LRRC8D: variants seen among roughly 807,000 people sequenced by gnomAD.
The protein encoded by LRRC8D is volume-regulated anion channel subunit LRRC8D.
Under a neutral mutation model 55.8 loss-of-function variants are expected in LRRC8D, and 20 were observed. The ratio of observed to expected loss-of-function variants is 0.36; its 90% confidence interval spans 0.25 to 0.52. The LOEUF (loss-of-function observed/expected upper bound fraction) is 0.52. Among genes scored for constraint, LRRC8D ranks in the 20% least tolerant of loss-of-function variants. The pLI is 0.93. For synonymous variants in LRRC8D, 352 were observed against 377.0 expected, an observed-to-expected ratio of 0.93 and a Z score of 0.77; for missense variants, 651 against 1,030.8, an observed-to-expected ratio of 0.63 and a Z score of 5.05.
intron 2 of LRRC8D, among the ~76,000 whole-genome samples, chr1:89,853,810 G>A (rs1211181634): frequency 1.3e-5 from 2 of 152,134 alleles, no homozygotes; most frequent in African/African-American, 4.8e-5. Context: ...CACCAGTGAG[G>A]AATGAGGAGG....
chr1:89,923,899 C>G (rs1663487316), intron 2 of LRRC8D, among the ~76,000 whole-genome samples: 1 of 152,202 alleles, frequency 6.6e-6, no homozygotes, highest in Admixed American at 6.5e-5. Flanking sequence ...AAACTGGACC[C>G]CGTCCTTTCA....
At position 89,935,447 on chromosome 1, in the gene LRRC8D, A is replaced by G. The variant is rs1221004462; in HGVS notation, c.2379A>G (p.Lys793=). The G allele has an allele frequency of 3.1e-6, 5 of 1,614,224 alleles. No individual in the cohort carries two copies. The highest frequency in any genetic ancestry group is 1.1e-5 in the South Asian group (1 of 91,090). The stretch of plus-strand genomic sequence containing the variant: ...ACTGCATCACCTCACTCCCAGAGAA[A>G]GTTGGTCAGCTCTCCCAGCTCACTC... ...GQNCITSLPE[K]VGQLSQLTQL... The change falls in exon 3 of 3, where the codon AAA becomes AAG. Residue 793 remains lysine, a synonymous_variant. Coordinates refer to ENST00000337338, the MANE Select transcript of LRRC8D (RefSeq NM_001134479.2).
In LRRC8D at chr1:89,933,155, T is replaced by C; in HGVS notation, c.87T>C (p.Asp29=). The change falls in exon 3 of 3, where the codon GAT becomes GAC. Residue 29 remains aspartate (D), a synonymous_variant. Coordinates refer to ENST00000337338, the MANE Select transcript of LRRC8D (RefSeq NM_001134479.2). This position sits in a 1 kb window ranked among gnomAD's most constrained non-coding sequence, Gnocchi z 7.0. ...AACCATGGTGGGATGTGTTTATGGA[T>C]TACCTAGCTGTTGTTATGTTAATGG... The part of the protein sequence containing the change: ...ILKPWWDVFM[D]YLAVVMLMVA... The C allele has an allele frequency of 6.2e-7, 1 of 1,614,212 alleles. No individual in the cohort carries two copies. The highest frequency in any genetic ancestry group is 1.1e-5 in the South Asian group (1 of 91,078).
At chr1:89,848,042 A>T (rs767608213) in intron 2 of LRRC8D, among the ~76,000 whole-genome samples, 5 of 152,186 alleles carry the variant, frequency 3.3e-5, no homozygotes, top group Non-Finnish European at 7.3e-5. Context: ...TAGCCATCAG[A>T]TTATAAAGAT....
chr1:89,897,298 T>A (rs1045999179), intron 2 of LRRC8D, among the ~76,000 whole-genome samples: 2 of 152,166 alleles, frequency 1.3e-5, no homozygotes, highest in African/African-American at 4.8e-5. Context: ...TGCTTTATGG[T>A]TTCATTTTAG....
intron 2 of LRRC8D, among the ~76,000 whole-genome samples, chr1:89,889,663 C>T (rs985231697): frequency 6.6e-6 from 1 of 151,216 alleles, no homozygotes; most frequent in Non-Finnish European, 1.5e-5. Flanking sequence ...TGGTGGATCA[C>T]TTGAAGTCAG....
chr1:89,858,853 T>A (rs778417991), intron 2 of LRRC8D, among the ~76,000 whole-genome samples: 1 of 152,082 alleles, frequency 6.6e-6, no homozygotes, highest in Non-Finnish European at 1.5e-5. Flanking sequence ...GAAATTTCAT[T>A]TAAGACAAGA....
chr1:89,826,251 ATTTT>A (rs1246673661), intron 1 of LRRC8D, among the ~76,000 whole-genome samples: 4 of 426 alleles, frequency 9.4e-3, no homozygotes, highest in Non-Finnish European at 0.052. Flanking sequence ...CTTAAATTTT[ATTTT>A]ATTTTATTTT....
In LRRC8D at chr1:89,933,418, G is replaced by A. The variant is rs541701188; in HGVS notation, c.350G>A (p.Arg117His). The A allele has an allele frequency of 2.2e-5, 36 of 1,614,070 alleles. No homozygotes were observed. The highest frequency in any genetic ancestry group is 2.8e-5 in the Non-Finnish European group (33 of 1,180,026). The change falls in exon 3 of 3, where the codon CGC becomes CAC. Residue 117 changes from arginine to histidine, a missense_variant. Coordinates refer to ENST00000337338, the MANE Select transcript of LRRC8D (RefSeq NM_001134479.2). The surrounding 1 kb of genome is among the most constrained non-coding windows in gnomAD (Gnocchi z 7.0). ...ATACCTCTCAGAGCCACATATCCTCGCACAGATTTCGCACTTCCAAATCAG... is the reference window on the plus strand; with the variant it reads ...ATACCTCTCAGAGCCACATATCCTCACACAGATTTCGCACTTCCAAATCAG... The part of the protein sequence containing the change: ...PDIPLRATYP[R>H]TDFALPNQEA...
chr1:89,860,143 G>C (rs1287881105), intron 2 of LRRC8D, among the ~76,000 whole-genome samples: 1 of 152,124 alleles, frequency 6.6e-6, no homozygotes, highest in Non-Finnish European at 1.5e-5. Context: ...GGTTTTCACC[G>C]GTGCTGAGCA....
Position 89,854,919 on chromosome 1 carries a change from G to A in LRRC8D, c.-3+11137G>A, listed in dbSNP as rs534619347. ...AGCATGAATCTGTGATGGGATTTGC[G>A]TGTGGGGTAGACAGTTTGGATTTAC... On this transcript the variant is annotated intron_variant, in intron 2 of 2. Coordinates refer to ENST00000337338, the MANE Select transcript of LRRC8D (RefSeq NM_001134479.2). Among the ~76,000 whole-genome samples, 13 of 152,302 alleles carry A rather than the reference G, an allele frequency of 8.5e-5. No homozygotes were observed. In the South Asian group the frequency reaches 2.7e-3, roughly 32 times the overall value.
At position 89,860,756 on chromosome 1, in the gene LRRC8D, C is replaced by CAAAAAAA. The variant is rs1181859656; in HGVS notation, c.-3+16998_-3+17004dup. On this transcript the variant is annotated intron_variant, in intron 2 of 2. Coordinates refer to ENST00000337338, the MANE Select transcript of LRRC8D (RefSeq NM_001134479.2). ...CTGGCAACAGAGCAAGACTCTATCT[C>CAAAAAAA]AAAAAAAAAAAAAAAAAAAAAAAAA... 6.4e-4 allele frequency among the ~76,000 whole-genome samples: 12 copies of CAAAAAAA among 18,844 alleles called. 2 individuals are homozygous for CAAAAAAA. Among genetic ancestry groups the CAAAAAAA allele is most frequent in the Non-Finnish European group, 7.5e-4 (9 of 12,052 alleles). The allele number at this position is 18,844 out of a possible 152,430, so 12.4% of individuals were successfully genotyped here.
intron 2 of LRRC8D, among the ~76,000 whole-genome samples, chr1:89,891,758 G>A (rs902910919): frequency 6.6e-6 from 1 of 152,220 alleles, no homozygotes; most frequent in Non-Finnish European, 1.5e-5. Context: ...GCCTGGCACA[G>A]TGCTGAGTTC....
intron 2 of LRRC8D, among the ~76,000 whole-genome samples, chr1:89,895,444 C>T (rs770038288): frequency 9.2e-5 from 14 of 152,094 alleles, no homozygotes; most frequent in Non-Finnish European, 2.1e-4. Flanking sequence ...CTTGAGTTAG[C>T]CCTGTGCAAA....
intron 2 of LRRC8D, among the ~76,000 whole-genome samples, chr1:89,893,502 C>G (rs1480206432): frequency 6.6e-6 from 1 of 152,180 alleles, no homozygotes; most frequent in African/African-American, 2.4e-5. Context: ...TCCCCAGGAA[C>G]AAAGTATTCT....
intron 2 of LRRC8D, among the ~76,000 whole-genome samples, chr1:89,904,330 A>T (rs969724650): frequency 2.6e-5 from 4 of 152,140 alleles, no homozygotes; most frequent in African/African-American, 9.7e-5. Context: ...CTCTTTTTGG[A>T]GTTAATGGAG....
intron 2 of LRRC8D, among the ~76,000 whole-genome samples, chr1:89,909,323 A>G (rs1663073862): frequency 6.6e-6 from 1 of 152,034 alleles, no homozygotes; most frequent in South Asian, 2.1e-4. Flanking sequence ...CATTTAGGAA[A>G]CACACTGCCT....
At chr1:89,907,090 GGCTATTTTCAT>G (rs1663013769) in intron 2 of LRRC8D, among the ~76,000 whole-genome samples, 1 of 151,576 alleles carries the variant, frequency 6.6e-6, no homozygotes, top group African/African-American at 2.4e-5. Context: ...CATGCAGGAA[GGCTATTTTCAT>G]GTATCACGTT....
At chr1:89,879,906 A>C (rs959050469) in intron 2 of LRRC8D, among the ~76,000 whole-genome samples, 2 of 152,284 alleles carry the variant, frequency 1.3e-5, no homozygotes, top group Non-Finnish European at 2.9e-5. Flanking sequence ...GAAACTATGA[A>C]ATGTATTAAA....
Sources: gnomAD v4.1 joint callset for allele counts (sites outside exome capture counted in the v4.1 genomes callset) on GRCh38, gnomAD v4.1.1 for gene constraint, Gnocchi (gnomAD v3.1) non-coding constraint, MANE v1.5 for transcripts, NCBI Gene and HGNC (gene_info 2026-07-23, HGNC 2026-07-21) for gene names.